Variants in SLIT2 observed in about 807,000 individuals in gnomAD.
The protein encoded by SLIT2 is slit guidance ligand 2.
A neutral mutation model predicts 185.7 loss-of-function variants in SLIT2; 41 were observed. The observed-to-expected ratio is 0.22, with a 90% CI of 0.17 to 0.29. The LOEUF (loss-of-function observed/expected upper bound fraction) is 0.29. Ranked by LOEUF, SLIT2 falls within the 10% of genes least tolerant of loss-of-function variation. The probability of loss-of-function intolerance (pLI) is 1.00; values close to 1 mark genes in which losing one functional copy is unlikely to be tolerated. For synonymous variants in SLIT2, 693 were observed against 680.2 expected, an observed-to-expected ratio of 1.02 and a Z score of -0.29; for missense variants, 1,571 against 1,909.0, an observed-to-expected ratio of 0.82 and a Z score of 3.30.
chr4:20,499,871 A>G (rs1429201405), intron 9 of SLIT2, among the ~76,000 whole-genome samples: 1 of 152,190 alleles, frequency 6.6e-6, no homozygotes, highest in African/African-American at 2.4e-5. Flanking sequence ...CTGATTTAAA[A>G]TAATTATAAG....
chr4:20,617,512 G>A lies in SLIT2; in HGVS notation c.4210G>A (p.Val1404Ile), dbSNP rs1729763426. 1 of 1,614,008 alleles carries A rather than the reference G, an allele frequency of 6.2e-7. No individual in the cohort carries two copies. The highest frequency in any genetic ancestry group is 8.5e-7 in the Non-Finnish European group (1 of 1,179,900). The change falls in exon 36 of 37, where the codon GTC (valine) becomes ATC (isoleucine). Residue 1404 changes from valine (V) to isoleucine (I), a missense_variant. By Grantham distance (29) the Val-to-Ile change is conservative. Coordinates refer to ENST00000504154, the MANE Select transcript of SLIT2 (RefSeq NM_004787.4). ...SCKCLEGHGG[V>I]LCDEEEDLFN... ...TAAGTGCTTGGAGGGCCATGGAGGT[G>A]TCCTCTGTGATGAAGAGGAGGATCT...
rs116647812 is a variant in SLIT2 at position 20,342,672 on chromosome 4, T to C, written c.395+73791T>C. Among the ~76,000 whole-genome samples, 524 of 151,624 alleles carry C rather than the reference T, an allele frequency of 3.5e-3. 3 individuals carry two copies. Among genetic ancestry groups the C allele is most frequent in the African/African-American group, 0.012 (516 of 41,436 alleles). On this transcript the variant is annotated intron_variant, in intron 4 of 36. Coordinates refer to ENST00000504154, the MANE Select transcript of SLIT2 (RefSeq NM_004787.4). ...CTTTTTTAACCTCTTAAAATAGATA[T>C]CTTATAGTTATTTGATTTGATTCTG...
At chr4:20,429,843 G>A (rs773005597) in intron 4 of SLIT2, among the ~76,000 whole-genome samples, 2 of 152,138 alleles carry the variant, frequency 1.3e-5, no homozygotes, top group Non-Finnish European at 2.9e-5. Context: ...GAAGCTGGAG[G>A]GTGAAGAGGA....
intron 4 of SLIT2, among the ~76,000 whole-genome samples, chr4:20,461,043 C>A (rs1190678563): frequency 6.6e-6 from 1 of 152,098 alleles, no homozygotes; most frequent in Non-Finnish European, 1.5e-5. Context: ...TACAGATAAG[C>A]AAATGGAGAG....
chr4:20,364,069 T>C (rs906572121), intron 4 of SLIT2, among the ~76,000 whole-genome samples: 2 of 152,162 alleles, frequency 1.3e-5, no homozygotes, highest in Admixed American at 6.6e-5. Context: ...ATTTTTCTAC[T>C]TGAAAGGAAC....
rs1283830899 is a variant in SLIT2 at position 20,618,884 on chromosome 4, G to A, written c.4465G>A (p.Gly1489Arg). Reference protein sequence around the residue: ...RLECRGGCAGGQCCGPLRSKR... With the variant: ...RLECRGGCAGRQCCGPLRSKR... ...AGAGTGCAGAGGTGGGTGTGCAGGA[G>A]GGCAGTGCTGTGGACCGCTGAGGAG... Residue 1489 changes from glycine to arginine, a missense_variant, in exon 37 of 37, where the codon GGG (glycine) becomes AGG (arginine). Physicochemically the swap from Gly to Arg is moderately radical, Grantham distance 125. Transcript: ENST00000504154. 8 of 1,614,056 alleles carry A rather than the reference G, an allele frequency of 5.0e-6. No individual in the cohort carries two copies. Among genetic ancestry groups the A allele is most frequent in the African/African-American group, 1.3e-5 (1 of 74,944 alleles).
chr4:20,459,134 A>C (rs906585917), intron 4 of SLIT2, among the ~76,000 whole-genome samples: 2 of 149,744 alleles, frequency 1.3e-5, no homozygotes, highest in Admixed American at 6.9e-5. Context: ...CAGTGGGAGA[A>C]AAAAAAAAAC....
chr4:20,435,594 T>C (rs900342159), intron 4 of SLIT2, among the ~76,000 whole-genome samples: 1 of 152,188 alleles, frequency 6.6e-6, no homozygotes, highest in South Asian at 2.1e-4. Flanking sequence ...AAAACAGACA[T>C]GCCTTCATTT....
intron 4 of SLIT2, among the ~76,000 whole-genome samples, chr4:20,382,766 A>G (rs1414900113): frequency 6.6e-6 from 1 of 152,204 alleles, no homozygotes; most frequent in Non-Finnish European, 1.5e-5. Flanking sequence ...CAAAATATCC[A>G]CAAGTTTTTC....
At chr4:20,417,536 G>GTA (rs893132311) in intron 4 of SLIT2, among the ~76,000 whole-genome samples, 25 of 147,250 alleles carry the variant, frequency 1.7e-4, no homozygotes, top group African/African-American at 4.7e-4. Flanking sequence ...ATATATATAT[G>GTA]TATATATATA....
chr4:20,496,868 A>C (rs185316195), intron 9 of SLIT2, among the ~76,000 whole-genome samples: 216 of 152,284 alleles, frequency 1.4e-3, no homozygotes, highest in African/African-American at 4.8e-3. Context: ...CAAATTTGAT[A>C]AATAGAACCA....
intron 4 of SLIT2, among the ~76,000 whole-genome samples, chr4:20,416,595 CA>C (rs1403873982): frequency 6.6e-6 from 1 of 151,962 alleles, no homozygotes; most frequent in Non-Finnish European, 1.5e-5. Flanking sequence ...AAAATCGTAT[CA>C]ACTCCTGCCC....
chr4:20,518,229 ATG>A (rs1422869882), intron 11 of SLIT2, among the ~76,000 whole-genome samples: 5 of 118,462 alleles, frequency 4.2e-5, no homozygotes, highest in South Asian at 5.3e-4. Context: ...ATACATATAT[ATG>A]TGTGTGTGTA....
At chr4:20,588,754 T>G (rs1009125874) in intron 29 of SLIT2, among the ~76,000 whole-genome samples, 2 of 152,208 alleles carry the variant, frequency 1.3e-5, no homozygotes, top group African/African-American at 4.8e-5. Flanking sequence ...CAGAAGAAAT[T>G]TTCTAAAGAA....
At chr4:20,385,102 C>T (rs1199483996) in intron 4 of SLIT2, among the ~76,000 whole-genome samples, 2 of 152,084 alleles carry the variant, frequency 1.3e-5, no homozygotes, top group African/African-American at 4.8e-5. Context: ...CTAAGTAAGT[C>T]ACTGTGATAT....
intron 4 of SLIT2, among the ~76,000 whole-genome samples, chr4:20,425,549 G>A (rs111758949): frequency 1.3e-5 from 2 of 152,018 alleles, no homozygotes; most frequent in African/African-American, 2.4e-5. Context: ...CAAGGATCCC[G>A]TTTAAAGAAA....
chr4:20,415,622 A>T (rs1205758195), intron 4 of SLIT2, among the ~76,000 whole-genome samples: 1 of 152,142 alleles, frequency 6.6e-6, no homozygotes, highest in Non-Finnish European at 1.5e-5. Context: ...TAAGATCCAT[A>T]AGGCAATTTG....
chr4:20,356,069 C>T (rs1408562171), intron 4 of SLIT2, among the ~76,000 whole-genome samples: 1 of 152,068 alleles, frequency 6.6e-6, no homozygotes, highest in Non-Finnish European at 1.5e-5. Flanking sequence ...ATGTATAGAT[C>T]TTTTAATCAT....
intron 28 of SLIT2, among the ~76,000 whole-genome samples, chr4:20,568,534 C>T (rs1430842894): frequency 3.9e-5 from 6 of 151,902 alleles, no homozygotes; most frequent in Non-Finnish European, 2.9e-5. Flanking sequence ...TAGAGCACAA[C>T]TCAAGATTAA....
Sources: allele counts gnomAD v4.1 joint callset (sites outside exome capture counted in the v4.1 genomes callset), GRCh38; gene constraint gnomAD v4.1.1; transcripts MANE v1.5; gene names NCBI Gene and HGNC (gene_info 2026-07-23, HGNC 2026-07-21).